The following TRAFD1 variants were observed in gnomAD, a reference collection of about 807,000 sequenced individuals.
TRAFD1 encodes TRAF-type zinc finger domain-containing protein 1.
A neutral mutation model predicts 65.3 loss-of-function variants in TRAFD1; 38 were observed. The ratio of observed to expected loss-of-function variants is 0.58; its 90% confidence interval spans 0.45 to 0.76. The LOEUF (loss-of-function observed/expected upper bound fraction) is 0.76, where lower values mean the gene tolerates loss of function less well. TRAFD1 is among the 30% of genes least tolerant of loss of function. The probability of loss-of-function intolerance (pLI) is 0.00; values close to 1 mark genes in which losing one functional copy is unlikely to be tolerated. For synonymous variants in TRAFD1, 223 were observed against 257.2 expected (o/e 0.87, Z 1.27); for missense variants, 631 against 712.6 (o/e 0.89, Z 1.30).
intron 4 of TRAFD1, 139 bp from the exon 5 acceptor site, chr12:112,140,680 T>C: frequency 9.9e-7 from 1 of 1,014,276 alleles, no homozygotes; most frequent in Non-Finnish European, 1.4e-6. Context: ...CTTAAATAAT[T>C]AAATACATTA....
At chr12:112,144,432 G>A (rs530700662) in intron 6 of TRAFD1, among the ~76,000 whole-genome samples, 5 of 152,030 alleles carry the variant, frequency 3.3e-5, no homozygotes, top group East Asian at 1.9e-4. Flanking sequence ...CACCATGCCC[G>A]CCTAATTTTT....
At chr12:112,131,568 C>T (rs1422083785) in intron 2 of TRAFD1, among the ~76,000 whole-genome samples, 2 of 152,184 alleles carry the variant, frequency 1.3e-5, no homozygotes, top group African/African-American at 4.8e-5. Flanking sequence ...GGGAATTTTT[C>T]TGGAAGCTTT....
rs536538452 is a variant in TRAFD1 at position 112,152,184 on chromosome 12, G to T, written c.1619+44G>T. The T allele has an allele frequency of 2.6e-4, 406 of 1,570,430 alleles. 4 individuals are homozygous for T. The South Asian group carries it at 4.4e-3, about 17-fold the overall frequency. On this transcript the variant is annotated intron_variant, in intron 10 of 11. Transcript: ENST00000412615. The surrounding 1 kb of genome is among the most constrained non-coding windows in gnomAD (Gnocchi z 5.0). ...GGAATGGGGCTTGGGAGTAGCTGAA[G>T]CGAACATGGGCAAAGGCCTGGTTAC...
In TRAFD1 at chr12:112,151,844, A is replaced by G. The variant is rs904979787; in HGVS notation, c.1323A>G (p.Thr441=). Residue 441 remains threonine (T), a synonymous_variant, in exon 10 of 12, where the codon ACA becomes ACG. Transcript: ENST00000412615. The part of the protein sequence containing the change: ...SGYLDDTKQE[T]ANGPTSCLPP... Reference sequence around the variant, plus strand: ...ACCTGGATGATACTAAGCAGGAAACAGCTAATGGGCCCACCTCCTGTCTGC... The same window carrying G: ...ACCTGGATGATACTAAGCAGGAAACGGCTAATGGGCCCACCTCCTGTCTGC... 1.3e-5 allele frequency: 21 copies of G among 1,614,100 alleles called. No individual in the cohort carries two copies. The highest frequency in any genetic ancestry group is 1.6e-5 in the Non-Finnish European group (19 of 1,180,052).
intron 8 of TRAFD1, 173 bp from the exon 9 acceptor site, chr12:112,149,578 G>A (rs573935816): frequency 8.9e-5 from 66 of 737,532 alleles, no homozygotes; most frequent in East Asian, 1.7e-4. Context: ...CTCATGTGCC[G>A]ATGGGATTGA....
chr12:112,141,818 A>C, intron 5 of TRAFD1: 1 of 383,242 alleles, frequency 2.6e-6, no homozygotes, highest in Non-Finnish European at 4.8e-6. Flanking sequence ...GAAAATAAGT[A>C]TAAAATGTTT....
chr12:112,125,709 A>AGGGGTCTCTGGGCCC (rs2079532300), intron 1 of TRAFD1, 91 bp downstream of exon 1: 1 of 152,216 alleles, frequency 6.6e-6, no homozygotes, highest in Admixed American at 6.5e-5. Flanking sequence ...TGTGTGGGCG[A>AGGGGTCTCTGGGCCC]GGGGTCTCTG....
chr12:112,126,094 TGG>T (rs2079535478), intron 1 of TRAFD1: 1 of 152,248 alleles, frequency 6.6e-6, no homozygotes. Flanking sequence ...GCCTCTAAAG[TGG>T]GGACCAAGAC....
At chr12:112,144,346 T>C (rs1431504188) in intron 6 of TRAFD1, among the ~76,000 whole-genome samples, 5 of 152,046 alleles carry the variant, frequency 3.3e-5, no homozygotes, top group African/African-American at 4.8e-5. Context: ...CTTGGCTCAT[T>C]GCAACCTCCG....
At chr12:112,125,775 C>T (rs986045457) in intron 1 of TRAFD1, 157 bp downstream of exon 1, 5 of 152,320 alleles carry the variant, frequency 3.3e-5, no homozygotes, top group Non-Finnish European at 5.9e-5. Flanking sequence ...TCTCAGGCAC[C>T]TGGAGGAGGC....
chr12:112,134,767 C>T lies in TRAFD1; in HGVS notation c.77C>T (p.Thr26Ile). Residue 26 changes from threonine to isoleucine, a missense_variant, in exon 3 of 12, where the codon ACC becomes ATC. Coordinates refer to ENST00000412615, the MANE Select transcript of TRAFD1 (RefSeq NM_006700.3). ...AAAGAAATTCCTGTGTTTAACTTTA[C>T]CATCCATGAGATCCACTGTCAAAGG... ...CKKEIPVFNF[T>I]IHEIHCQRNI... The T allele has an allele frequency of 1.2e-6, 2 of 1,612,986 alleles. No individual in the cohort carries two copies. The highest frequency in any genetic ancestry group is 1.1e-5 in the South Asian group (1 of 91,060).
chr12:112,149,409 TAC>T (rs2030339999), intron 8 of TRAFD1: 2 of 227,148 alleles, frequency 8.8e-6, no homozygotes, highest in Non-Finnish European at 1.8e-5. Flanking sequence ...CACAGTCAGT[TAC>T]AGATTGAACT....
At chr12:112,127,826 G>T (rs1455729308) in intron 1 of TRAFD1, among the ~76,000 whole-genome samples, 3 of 151,364 alleles carry the variant, frequency 2.0e-5, no homozygotes, top group Non-Finnish European at 4.4e-5. Context: ...CACCTGTCTC[G>T]GCCTCCCAAA....
chr12:112,141,381 A>G (rs1219753348), intron 5 of TRAFD1, 157 bp downstream of exon 5: 1 of 846,914 alleles, frequency 1.2e-6, no homozygotes, highest in Admixed American at 2.9e-5. Flanking sequence ...AATGGAAATA[A>G]CCTCCATTGG....
In TRAFD1 at chr12:112,149,786, C is replaced by T; in HGVS notation, c.1194C>T (p.Asn398=). The stretch of plus-strand genomic sequence containing the variant: ...ACCAACGCCCAGCCACTGCAACCAA[C>T]CATGTGACAGAGGGGATTCCTAGAC... ...QCDQRPATAT[N]HVTEGIPRLD... is the part of the protein sequence containing the mutation. The change falls in exon 9 of 12, where the codon AAC becomes AAT. Residue 398 remains asparagine (N), a synonymous_variant. Transcript: ENST00000412615. 2 of 1,614,208 alleles carry T rather than the reference C, an allele frequency of 1.2e-6. No individual in the cohort carries two copies. The highest frequency in any genetic ancestry group is 8.5e-7 in the Non-Finnish European group (1 of 1,180,004).
At chr12:112,126,232 AT>A (rs997329308) in intron 1 of TRAFD1, 1 of 152,142 alleles carries the variant, frequency 6.6e-6, no homozygotes, top group African/African-American at 2.4e-5. Flanking sequence ...GACGGGGGCG[AT>A]TGGAAACTGC....
intron 4 of TRAFD1, among the ~76,000 whole-genome samples, chr12:112,136,382 C>T (rs1227191314): frequency 2.6e-5 from 4 of 151,040 alleles, no homozygotes; most frequent in South Asian, 2.1e-4. Context: ...CAGGTTCAAG[C>T]GATTCTCCTT....
chr12:112,139,075 C>T (rs1469805813), intron 4 of TRAFD1, among the ~76,000 whole-genome samples: 1 of 152,032 alleles, frequency 6.6e-6, no homozygotes, highest in African/African-American at 2.4e-5. Flanking sequence ...CAGTGGCTCA[C>T]GCCTGTAATC....
chr12:112,141,017 G>A lies in TRAFD1; in HGVS notation c.436G>A (p.Val146Ile), dbSNP rs114172135. The A allele has an allele frequency of 2.0e-3, 3,279 of 1,614,192 alleles. 11 individuals are homozygous for A. The highest frequency in any genetic ancestry group is 1.8e-3 in the Non-Finnish European group (2,157 of 1,180,030). The change falls in exon 5 of 12, where the codon GTT (valine) becomes ATT (isoleucine). Residue 146 changes from valine to isoleucine, a missense_variant. Transcript: ENST00000412615. ...GREGEEKRNE[V>I]AIPPNAYDES... ...AGAGGGGGAGGAAAAGAGAAATGAG[G>A]TTGCCATACCTCCTAATGCATATGA...
Sources: allele counts gnomAD v4.1 joint callset (sites outside exome capture counted in the v4.1 genomes callset), GRCh38; gene constraint gnomAD v4.1.1; non-coding constraint Gnocchi (gnomAD v3.1); transcripts MANE v1.5; gene names NCBI Gene and HGNC (gene_info 2026-07-23, HGNC 2026-07-21).